The following PDGFRL variants were observed in gnomAD, a reference collection of about 807,000 sequenced individuals.
PDGFRL encodes platelet derived growth factor receptor like.
PDGFRL carries 46 observed loss-of-function variants against 37.2 expected under a neutral mutation model. The ratio of observed to expected loss-of-function variants is 1.24; its 90% CI spans 0.98 to 1.58. The LOEUF is 1.58. Ranked by LOEUF, PDGFRL falls within the 40% of genes most tolerant of loss-of-function variation. The probability of loss-of-function intolerance (pLI) is 0.00; values close to 1 mark genes in which losing one functional copy is unlikely to be tolerated. For missense variants in PDGFRL, 692 were observed against 467.6 expected, an observed-to-expected ratio of 1.48 and a Z score of -4.43; for synonymous variants, 251 against 184.3, an observed-to-expected ratio of 1.36 and a Z score of -2.93.
At position 17,621,102 on chromosome 8, in the gene PDGFRL, G is replaced by A. The variant is rs774979509; in HGVS notation, c.405G>A (p.Ser135=). ...AGTTGACTCTGGTCAACTCCACCTCGGCAGACACAGGTGAATTCAGCTGCT... is the reference window on the plus strand; with the variant it reads ...AGTTGACTCTGGTCAACTCCACCTCAGCAGACACAGGTGAATTCAGCTGCT... The part of the protein sequence containing the change: ...YGQLTLVNST[S]ADTGEFSCWV... Residue 135 remains serine (S), a synonymous_variant, in exon 3 of 6, where the codon TCG becomes TCA. Coordinates refer to ENST00000251630, the MANE Select transcript of PDGFRL (RefSeq NM_001372073.1). The A allele has an allele frequency of 7.4e-6, 12 of 1,611,636 alleles. No homozygotes were observed. The highest frequency in any genetic ancestry group is 2.2e-5 in the East Asian group (1 of 44,806).
chr8:17,640,901 G>A (rs146828102), intron 5 of PDGFRL, among the ~76,000 whole-genome samples: 209 of 152,126 alleles, frequency 1.4e-3, no homozygotes, highest in African/African-American at 4.8e-3. Flanking sequence ...GTTGGGGGTG[G>A]GCTAGGCGTG....
intron 2 of PDGFRL, among the ~76,000 whole-genome samples, chr8:17,593,610 A>G (rs1388848805): frequency 2.0e-5 from 3 of 146,502 alleles, no homozygotes; most frequent in African/African-American, 7.7e-5. Flanking sequence ...AAAAAAAAAA[A>G]AATTCTTGGC....
intron 3 of PDGFRL, among the ~76,000 whole-genome samples, chr8:17,626,640 T>C (rs970201604): frequency 6.6e-6 from 1 of 152,152 alleles, no homozygotes; most frequent in South Asian, 2.1e-4. Context: ...GTAATACGTA[T>C]TGGGGTATCA....
Position 17,611,913 on chromosome 8 carries a change from G to T in PDGFRL, c.354-9138G>T, listed in dbSNP as rs143557357. On this transcript the variant is annotated intron_variant, in intron 2 of 5. Transcript: ENST00000251630. ...TGGGTGACAGGTGGAGTTGCAGCTC[G>T]GTGGAAAGAACTAGAAATGCCGAGA... 1.5e-3 allele frequency among the ~76,000 whole-genome samples: 226 copies of T among 152,218 alleles called. 1 individual carries two copies. Among genetic ancestry groups the T allele is most frequent in the African/African-American group, 5.2e-3 (218 of 41,528 alleles).
intron 1 of PDGFRL, among the ~76,000 whole-genome samples, chr8:17,579,524 AAGAC>A (rs67191605): frequency 0.26 from 39,134 of 148,268 alleles, 5,303 homozygotes; most frequent in Middle Eastern, 0.39. Flanking sequence ...TCACATCTAA[AAGAC>A]AGTCTTTATT....
At position 17,577,286 on chromosome 8, in the gene PDGFRL, G is replaced by C. The variant is rs149496915; in HGVS notation, c.34G>C (p.Val12Leu). ...KVWLLLGLLL[V>L]HEALEDVTGQ... ...CTGGCTGCTGCTTGGTCTTCTGCTG[G>C]TGCACGAAGCGCTGGAGGATGGTGA... Residue 12 changes from valine to leucine, a missense_variant, in exon 1 of 6, where the codon GTG becomes CTG. By Grantham distance (32) the Val-to-Leu change is conservative. Coordinates refer to ENST00000251630, the MANE Select transcript of PDGFRL (RefSeq NM_001372073.1). The C allele has an allele frequency of 2.4e-4, 390 of 1,613,092 alleles. 1 individual carries two copies. The African/African-American group carries it at 4.6e-3, about 19-fold the overall frequency.
chr8:17,606,886 G>GTTTT (rs371085758), intron 2 of PDGFRL, among the ~76,000 whole-genome samples: 4 of 138,266 alleles, frequency 2.9e-5, no homozygotes, highest in Non-Finnish European at 6.0e-5. Context: ...TTCGTTTTTT[G>GTTTT]TTTTTTTGTT....
At chr8:17,602,906 A>C (rs1309739670) in intron 2 of PDGFRL, among the ~76,000 whole-genome samples, 1 of 152,244 alleles carries the variant, frequency 6.6e-6, no homozygotes, top group Non-Finnish European at 1.5e-5. Context: ...TCAGCCTTTC[A>C]GGCTACGTAG....
intron 2 of PDGFRL, among the ~76,000 whole-genome samples, chr8:17,590,185 A>T (rs2517147): frequency 0.95 from 136,438 of 143,718 alleles, 65,194 homozygotes; most frequent in East Asian, 1. Flanking sequence ...GAGCCGAGAT[A>T]GTGCCAGTGC....
chr8:17,628,796 C>T lies in PDGFRL; in HGVS notation c.799+16C>T, dbSNP rs749576710. The T allele has an allele frequency of 7.5e-6, 12 of 1,595,666 alleles. No homozygotes were observed. In the African/African-American group the frequency reaches 8.0e-5, roughly 11 times the overall value. ...TATGTGGCGGGTAAGCCTGGCCACC[C>T]CTGCCTAGATTCTAGTTAGTCCCCT... On this transcript the variant is annotated intron_variant, in intron 4 of 5. Coordinates refer to ENST00000251630, the MANE Select transcript of PDGFRL (RefSeq NM_001372073.1).
chr8:17,611,860 A>C (rs1447185269), intron 2 of PDGFRL, among the ~76,000 whole-genome samples: 1 of 152,186 alleles, frequency 6.6e-6, no homozygotes, highest in Non-Finnish European at 1.5e-5. Context: ...ACAGAGGAGA[A>C]ATGAGAGAGT....
intron 2 of PDGFRL, among the ~76,000 whole-genome samples, chr8:17,610,145 C>A (rs3862081): frequency 0.15 from 22,469 of 152,176 alleles, 1,781 homozygotes; most frequent in South Asian, 0.24. Context: ...GTGGCAGAGG[C>A]TTGCTCCTTT....
intron 2 of PDGFRL, among the ~76,000 whole-genome samples, chr8:17,611,355 ACT>A (rs1804407914): frequency 6.6e-6 from 1 of 152,356 alleles, no homozygotes; most frequent in East Asian, 1.9e-4. Flanking sequence ...TATTCTGTAC[ACT>A]GTCACCTTTA....
At chr8:17,616,770 T>C (rs1376558965) in intron 2 of PDGFRL, among the ~76,000 whole-genome samples, 1 of 152,220 alleles carries the variant, frequency 6.6e-6, no homozygotes, top group East Asian at 1.9e-4. Flanking sequence ...ATTGCATCCC[T>C]CCTGTCCTCT....
Position 17,589,735 on chromosome 8 carries a change from A to G in PDGFRL, c.323A>G (p.Tyr108Cys). Residue 108 changes from tyrosine (Y) to cysteine (C), a missense_variant, in exon 2 of 6, where the codon TAT becomes TGT. Coordinates refer to ENST00000251630, the MANE Select transcript of PDGFRL (RefSeq NM_001372073.1). The stretch of plus-strand genomic sequence containing the variant: ...AGAATTGGGTGGAGCTACCCTGCGT[A>G]TCTGGACACCTTTAAGGATTCTCGC... ...GSRIGWSYPA[Y>C]LDTFKDSRLS... 1.2e-6 allele frequency: 2 copies of G among 1,612,238 alleles called. No homozygotes were observed. The highest frequency in any genetic ancestry group is 1.7e-6 in the Non-Finnish European group (2 of 1,178,742).
intron 2 of PDGFRL, among the ~76,000 whole-genome samples, chr8:17,606,969 C>T (rs1388879995): frequency 2.1e-5 from 3 of 143,712 alleles, no homozygotes; most frequent in Non-Finnish European, 4.5e-5. Context: ...AATCTGGGCT[C>T]ACTGCAACCT....
chr8:17,631,874 C>G (rs1391409996), intron 4 of PDGFRL, among the ~76,000 whole-genome samples: 4 of 152,226 alleles, frequency 2.6e-5, no homozygotes, highest in African/African-American at 9.6e-5. Flanking sequence ...CCCCCAGGCA[C>G]CCTTCTTTCC....
intron 1 of PDGFRL, among the ~76,000 whole-genome samples, chr8:17,588,917 G>T (rs549229648): frequency 6.6e-6 from 1 of 152,262 alleles, no homozygotes; most frequent in South Asian, 2.1e-4. Context: ...GCAAATTTTA[G>T]CTCATACATG....
At chr8:17,608,447 C>T (rs28569920) in intron 2 of PDGFRL, among the ~76,000 whole-genome samples, 75,779 of 151,910 alleles carry the variant, frequency 0.5, 21,007 homozygotes, top group Middle Eastern at 0.63. Flanking sequence ...GTTTATTTAC[C>T]CAGGTGGCTC....
Sources: gnomAD v4.1 joint callset for allele counts (sites outside exome capture counted in the v4.1 genomes callset) on GRCh38, gnomAD v4.1.1 for gene constraint, MANE v1.5 for transcripts, NCBI Gene and HGNC (gene_info 2026-07-23, HGNC 2026-07-21) for gene names.